PRKAR1A: variants seen among roughly 807,000 people sequenced by gnomAD.
The protein encoded by PRKAR1A is protein kinase cAMP-dependent type I regulatory subunit alpha, also known as cAMP-dependent protein kinase type I-alpha regulatory subunit.
In PRKAR1A, 3 loss-of-function variants were observed where a neutral mutation model predicts 52.0. That is an observed-to-expected ratio of 0.06 (90% CI 0.03 to 0.15). The LOEUF (loss-of-function observed/expected upper bound fraction) is 0.15. PRKAR1A is among the 10% of genes least tolerant of loss of function. PRKAR1A has a pLI of 1.00. For synonymous variants in PRKAR1A, 188 were observed against 168.4 expected (o/e 1.12, Z -0.90); for missense variants, 240 against 477.4 (o/e 0.50, Z 4.63).
chr17:68,437,099 A>G, the PRKAR1A span, among the ~76,000 whole-genome samples: 7 of 151,722 alleles, frequency 4.6e-5, no homozygotes, highest in African/African-American at 1.7e-4. Flanking sequence ...TTTTCTTCCA[A>G]TTCCATTATC....
At chr17:68,542,703 CA>C (rs763525465) in intron 11 of PRKAR1A, 1 of 1,613,264 alleles carries the variant, frequency 6.2e-7, no homozygotes, top group South Asian at 1.1e-5. Context: ...CCTGGAGAGA[CA>C]AAGAAAACAC....
At chr17:68,548,419 A>G (rs954470804) in intron 11 of PRKAR1A, among the ~76,000 whole-genome samples, 25 of 152,102 alleles carry the variant, frequency 1.6e-4, no homozygotes, top group African/African-American at 4.6e-4. Flanking sequence ...AGTCCCAGCT[A>G]TTTGGAAGGC....
the PRKAR1A span, among the ~76,000 whole-genome samples, chr17:68,415,965 T>C: frequency 1.3e-5 from 2 of 152,216 alleles, no homozygotes; most frequent in African/African-American, 4.8e-5. Context: ...ATCTTATCCA[T>C]TCTGCTGTTT....
At chr17:68,551,249 GT>G in exon 12 of PRKAR1A, 2 of 767,144 alleles carry the variant, frequency 2.6e-6, no homozygotes, top group Non-Finnish European at 3.6e-6. Context: ...TCATCTCTAT[GT>G]TTCACAAAAT....
chr17:68,489,343 A>G, the PRKAR1A span, among the ~76,000 whole-genome samples: 1 of 87,648 alleles, frequency 1.1e-5, no homozygotes, highest in Non-Finnish European at 2.0e-5. Context: ...TGGAAAGTAT[A>G]TATATATATA....
chr17:68,487,950 A>C, the PRKAR1A span, among the ~76,000 whole-genome samples: 1 of 152,216 alleles, frequency 6.6e-6, no homozygotes, highest in Non-Finnish European at 1.5e-5. Context: ...TAAATAAAAA[A>C]AATGCACTCA....
chr17:68,435,653 G>A, the PRKAR1A span: 6 of 1,614,108 alleles, frequency 3.7e-6, no homozygotes, highest in Non-Finnish European at 5.1e-6. Flanking sequence ...TGGAGCCTGA[G>A]GCATTGAAGG....
the PRKAR1A span, among the ~76,000 whole-genome samples, chr17:68,494,495 G>T: frequency 2.0e-5 from 3 of 151,986 alleles, no homozygotes; most frequent in African/African-American, 7.3e-5. Flanking sequence ...TGAGCAAGAT[G>T]GCACTACTGT....
intron 6 of PRKAR1A, 147 bp from the exon 7 acceptor site, chr17:68,525,607 C>T (rs1009401709): frequency 2.5e-6 from 2 of 810,414 alleles, no homozygotes; most frequent in African/African-American, 3.5e-5. Context: ...ATCACCTATT[C>T]TTCTCTGTTG....
At chr17:68,451,733 T>A in the PRKAR1A span, among the ~76,000 whole-genome samples, 1 of 152,114 alleles carries the variant, frequency 6.6e-6, no homozygotes, top group Non-Finnish European at 1.5e-5. Context: ...CCACCCCCTA[T>A]CTTGCTGTGC....
chr17:68,506,313 G>GGACT, the PRKAR1A span, among the ~76,000 whole-genome samples: 1 of 152,044 alleles, frequency 6.6e-6, no homozygotes, highest in African/African-American at 2.4e-5. Flanking sequence ...ATACCAGGCA[G>GGACT]GACTAACTGG....
the PRKAR1A span, chr17:68,433,685 G>A: frequency 1.4e-6 from 1 of 702,702 alleles, no homozygotes; most frequent in East Asian, 3.7e-5. Flanking sequence ...AAGAGCCTAG[G>A]TAGACCCAGA....
At chr17:68,433,777 T>TTTTTTTTTG in the PRKAR1A span, among the ~76,000 whole-genome samples, 1 of 63,616 alleles carries the variant, frequency 1.6e-5, no homozygotes, top group Non-Finnish European at 4.0e-5. Flanking sequence ...TTTTTTTTTT[T>TTTTTTTTTG]TTTTTTTTTT....
downstream of PRKAR1A, chr17:68,536,250 A>T (rs2086093486): frequency 2.2e-6 from 1 of 454,026 alleles, no homozygotes; most frequent in Admixed American, 2.3e-5. Flanking sequence ...TCTCATGCTT[A>T]CAGTATTTGA....
chr17:68,420,053 G>A, the PRKAR1A span: 4 of 1,001,064 alleles, frequency 4.0e-6, no homozygotes, highest in Non-Finnish European at 5.9e-6. Context: ...ATATTTCTTT[G>A]ACAGAGAGAG....
the PRKAR1A span, among the ~76,000 whole-genome samples, chr17:68,497,873 T>C: frequency 6.6e-6 from 1 of 152,148 alleles, no homozygotes; most frequent in Non-Finnish European, 1.5e-5. Context: ...GAGAATATAA[T>C]GAGTGCTATG....
At chr17:68,544,171 C>A (rs901467107) in intron 11 of PRKAR1A, among the ~76,000 whole-genome samples, 6 of 152,040 alleles carry the variant, frequency 3.9e-5, no homozygotes, top group African/African-American at 1.4e-4. Flanking sequence ...CCCAGAAATG[C>A]AACTTAGTAT....
At chr17:68,441,464 A>G in the PRKAR1A span, among the ~76,000 whole-genome samples, 112 of 152,374 alleles carry the variant, frequency 7.4e-4, no homozygotes, top group African/African-American at 2.5e-3. Flanking sequence ...TAAAATCAAC[A>G]GTCACAGTTT....
chr17:68,461,608 G>C, the PRKAR1A span, among the ~76,000 whole-genome samples: 1 of 152,170 alleles, frequency 6.6e-6, no homozygotes, highest in Admixed American at 6.5e-5. This position sits in a 1 kb window ranked among gnomAD's most constrained non-coding sequence, Gnocchi z 4.6. Context: ...TCAAGTTACA[G>C]GAAATAATCT....
Sources: allele counts gnomAD v4.1 joint callset (sites outside exome capture counted in the v4.1 genomes callset), GRCh38; gene constraint gnomAD v4.1.1; non-coding constraint Gnocchi (gnomAD v3.1); transcripts MANE v1.5; gene names NCBI Gene and HGNC (gene_info 2026-07-23, HGNC 2026-07-21).